LAPTM5: variants seen among roughly 807,000 people sequenced by gnomAD.
The protein encoded by LAPTM5 is lysosomal protein transmembrane 5, also known as lysosomal-associated transmembrane protein 5.
A neutral mutation model predicts 30.1 loss-of-function variants in LAPTM5; 11 were observed. The observed-to-expected ratio is 0.37, with a 90% confidence interval of 0.23 to 0.60. The LOEUF (loss-of-function observed/expected upper bound fraction) is 0.60. LAPTM5 is among the 20% of genes least tolerant of loss of function. The pLI is 0.71. For synonymous variants in LAPTM5, 151 were observed against 137.9 expected (o/e 1.10, Z -0.67); for missense variants, 324 against 332.5 (o/e 0.97, Z 0.20).
At chr1:30,750,671 G>A (rs979663356) in intron 1 of LAPTM5, among the ~76,000 whole-genome samples, 2 of 152,198 alleles carry the variant, frequency 1.3e-5, no homozygotes, top group Non-Finnish European at 2.9e-5. Flanking sequence ...TGCCAGGAAG[G>A]CTGCCTTCCC....
rs576810725 is a variant in LAPTM5, at chr1:30,738,882, T to C, written c.510+58A>G. Reference sequence around the variant, plus strand: ...ACCACAGACACACAGAGACGTGAAGTAACCTGTTCAAGGCCACACAGCCAG... The same window carrying C: ...ACCACAGACACACAGAGACGTGAAGCAACCTGTTCAAGGCCACACAGCCAG... On this transcript the variant is annotated intron_variant, in intron 5 of 7. Transcript: ENST00000294507. The C allele has an allele frequency of 2.6e-6, 4 of 1,541,372 alleles. No individual in the cohort carries two copies. The African/African-American group carries it at 5.4e-5, about 21-fold the overall frequency.
intron 6 of LAPTM5, among the ~76,000 whole-genome samples, chr1:30,737,197 A>G (rs1451464253): frequency 2.0e-5 from 3 of 152,132 alleles, no homozygotes; most frequent in Non-Finnish European, 2.9e-5. Flanking sequence ...ACATAATCTC[A>G]GGTACATTTT....
At chr1:30,743,703 C>T (rs922292451) in intron 1 of LAPTM5, among the ~76,000 whole-genome samples, 5 of 151,596 alleles carry the variant, frequency 3.3e-5, no homozygotes, top group African/African-American at 7.3e-5. Context: ...AAGTTTACAT[C>T]GGCTTTCTAG....
At chr1:30,744,824 T>C (rs1260843578) in intron 1 of LAPTM5, among the ~76,000 whole-genome samples, 1 of 152,140 alleles carries the variant, frequency 6.6e-6, no homozygotes, top group African/African-American at 2.4e-5. Context: ...TGATCATGCA[T>C]CTATGTCAGT....
rs1040836361 is a variant in LAPTM5 at position 30,757,721 on chromosome 1, G to C, written c.25C>G (p.Arg9Gly). The C allele has an allele frequency of 6.2e-7, 1 of 1,613,776 alleles. No homozygotes were observed. The highest frequency in any genetic ancestry group is 1.7e-5 in the Admixed American group (1 of 60,008). ...ACATTGAAGCAGCAGCAGGTCTGGC[G>C]GACAGTGGACAAGCGGGGGTCCATG... MDPRLSTV[R>G]QTCCCFNVRI... Residue 9 changes from arginine (R) to glycine (G), a missense_variant, in exon 1 of 8, where the codon CGC becomes GGC. Coordinates refer to ENST00000294507, the MANE Select transcript of LAPTM5 (RefSeq NM_006762.3).
intron 1 of LAPTM5, among the ~76,000 whole-genome samples, chr1:30,755,280 G>A (rs1249630650): frequency 6.6e-6 from 1 of 151,768 alleles, no homozygotes; most frequent in East Asian, 1.9e-4. Flanking sequence ...GTATCTAGTA[G>A]GTAGAGACCA....
At position 30,740,242 on chromosome 1, in the gene LAPTM5, T is replaced by C. The variant is rs545288172; in HGVS notation, c.259-305A>G. 2.0e-4 allele frequency among the ~76,000 whole-genome samples: 30 copies of C among 152,270 alleles called. 1 individual carries two copies. The East Asian group carries it at 5.8e-3, about 29-fold the overall frequency. On this transcript the variant is annotated intron_variant, in intron 3 of 7. Transcript: ENST00000294507. Reference sequence around the variant, plus strand: ...CCCAGCAAGGAAGGGCTTTGTGCACTTTTTACAGAGGAGAGGGGACCAGAG... The same window carrying C: ...CCCAGCAAGGAAGGGCTTTGTGCACCTTTTACAGAGGAGAGGGGACCAGAG...
At position 30,743,795 on chromosome 1, in the gene LAPTM5, G is replaced by GTTTTTT. The variant is rs756356075; in HGVS notation, c.88-1252_88-1247dup. Among the ~76,000 whole-genome samples the GTTTTTT allele has an allele frequency of 4.6e-4, 50 of 107,840 alleles. 3 individuals are homozygous for GTTTTTT. Among genetic ancestry groups the GTTTTTT allele is most frequent in the Non-Finnish European group, 6.1e-4 (35 of 57,360 alleles). The allele number at this position is 107,840 out of a possible 152,430, so 70.7% of individuals were successfully genotyped here. ...TGTTTCCCCCTTGCTGACTGTGTGG[G>GTTTTTT]TTTTTTTTTTTTTTTTTTTTTTAGC... On this transcript the variant is annotated intron_variant, in intron 1 of 7. Transcript: ENST00000294507.
intron 1 of LAPTM5, among the ~76,000 whole-genome samples, chr1:30,753,219 C>CT (rs1344321456): frequency 6.6e-6 from 1 of 151,974 alleles, no homozygotes; most frequent in African/African-American, 2.4e-5. Flanking sequence ...ATATAATAAA[C>CT]TGGGAGTACA....
Position 30,739,231 on chromosome 1 carries a change from A to T in LAPTM5, c.388-169T>A. 11 of 847,710 alleles carry T rather than the reference A, an allele frequency of 1.3e-5. No individual in the cohort carries two copies. Among genetic ancestry groups the T allele is most frequent in the Non-Finnish European group, 1.9e-5 (11 of 576,368 alleles). The allele number at this position is 847,710 out of a possible 1,614,324, so 52.5% of individuals were successfully genotyped here. A position where few individuals can be genotyped will look rare whatever the true frequency, so the allele number is the denominator to read the frequency against. On this transcript the variant is annotated intron_variant, in intron 4 of 7. Coordinates refer to ENST00000294507, the MANE Select transcript of LAPTM5 (RefSeq NM_006762.3). This position sits in a 1 kb window ranked among gnomAD's most constrained non-coding sequence, Gnocchi z 4.2. ...TGAACACACAGATGTTCATACCAAG[A>T]GCTGGTGGCAGACCCAAGACTAGAA...
At chr1:30,748,890 G>A (rs1192898443) in intron 1 of LAPTM5, among the ~76,000 whole-genome samples, 1 of 152,248 alleles carries the variant, frequency 6.6e-6, no homozygotes, top group African/African-American at 2.4e-5. Context: ...GCCTGGCCAT[G>A]TTACTTCATC....
chr1:30,740,878 G>A (rs963912731), intron 3 of LAPTM5, among the ~76,000 whole-genome samples: 7 of 152,096 alleles, frequency 4.6e-5, no homozygotes, highest in East Asian at 1.9e-4. Flanking sequence ...CCAAATCATC[G>A]CCCCACTCCT....
rs9146 is a variant in LAPTM5, at chr1:30,732,548, C to T, written c.*1280G>A. 6,326 of 151,654 alleles carry T rather than the reference C, an allele frequency of 0.042. 328 individuals carry two copies. Among genetic ancestry groups the T allele is most frequent in the African/African-American group, 0.12 (5,057 of 41,210 alleles). 9.4% of individuals were successfully genotyped at this position (151,654 alleles called of 1,614,324 possible). On this transcript the variant is annotated 3_prime_UTR_variant, in exon 8 of 8. Transcript: ENST00000294507. ...CACAAGGGGGTATTGCCAGGGAGCT[C>T]TTGCAGAGCCTTCTCCCTCTGTACC...
At position 30,739,923 on chromosome 1, in the gene LAPTM5, G is replaced by A. The variant is rs1427639402; in HGVS notation, c.273C>T (p.Tyr91=). 4 of 1,599,112 alleles carry A rather than the reference G, an allele frequency of 2.5e-6. No homozygotes were observed. In the African/African-American group the frequency reaches 5.4e-5, roughly 21 times the overall value. ...TTTGCAGGGACAGGAAGGGCAGCAG[G>A]TACTTCTCCCGGTTCTGAAAGGTAG... The part of the protein sequence containing the change: ...LIGVVKNREK[Y]LLPFLSLQIM... The change falls in exon 4 of 8, where the codon TAC becomes TAT. Residue 91 remains tyrosine, a synonymous_variant. Coordinates refer to ENST00000294507, the MANE Select transcript of LAPTM5 (RefSeq NM_006762.3). The surrounding 1 kb of genome is among the most constrained non-coding windows in gnomAD (Gnocchi z 4.2).
chr1:30,753,686 G>A (rs1640169800), intron 1 of LAPTM5, among the ~76,000 whole-genome samples: 1 of 152,146 alleles, frequency 6.6e-6, no homozygotes, highest in Non-Finnish European at 1.5e-5. Context: ...TAAATGTAAC[G>A]CGGCATCCTG....
Position 30,732,599 on chromosome 1 carries a change from C to T in LAPTM5, c.*1229G>A, listed in dbSNP as rs1310368694. The T allele has an allele frequency of 1.3e-5, 2 of 151,908 alleles. No homozygotes were observed. Among genetic ancestry groups the T allele is most frequent in the Admixed American group, 6.5e-5 (1 of 15,274 alleles). 9.4% of individuals were successfully genotyped at this position (151,908 alleles called of 1,614,324 possible). A position where few individuals can be genotyped will look rare whatever the true frequency, so the allele number is the denominator to read the frequency against. On this transcript the variant is annotated 3_prime_UTR_variant, in exon 8 of 8. Transcript: ENST00000294507. ...CCCCGACAGTCCCCAGAGACCCTGCCTCCGTGGCCTCCACCTCTGGGTCAG... is the reference window on the plus strand; with the variant it reads ...CCCCGACAGTCCCCAGAGACCCTGCTTCCGTGGCCTCCACCTCTGGGTCAG...
intron 5 of LAPTM5, among the ~76,000 whole-genome samples, chr1:30,737,943 C>T (rs7417219): frequency 0.027 from 4,179 of 152,284 alleles, 187 homozygotes; most frequent in African/African-American, 0.091. Context: ...CCCAGGCTGG[C>T]GCACCGGCCC....
At chr1:30,738,354 C>T (rs1569855668) in intron 5 of LAPTM5, among the ~76,000 whole-genome samples, 1 of 152,204 alleles carries the variant, frequency 6.6e-6, no homozygotes, top group African/African-American at 2.4e-5. Flanking sequence ...GTCAGGAGAG[C>T]ACTCAAGCAG....
rs182282731 is a variant in LAPTM5, at chr1:30,745,271, C to T, written c.88-2722G>A. ...GAGAGGTCCAGGGCCTTGCCCAAGG[C>T]CTCCCAGCTGGTCATATGCAGGGCT... is the stretch of plus-strand genomic sequence containing the variant. On this transcript the variant is annotated intron_variant, in intron 1 of 7. Coordinates refer to ENST00000294507, the MANE Select transcript of LAPTM5 (RefSeq NM_006762.3). Among the ~76,000 whole-genome samples, 7 of 152,350 alleles carry T rather than the reference C, an allele frequency of 4.6e-5. No homozygotes were observed. The East Asian group carries it at 1.3e-3, about 29-fold the overall frequency.
Sources: allele counts gnomAD v4.1 joint callset (sites outside exome capture counted in the v4.1 genomes callset), GRCh38; gene constraint gnomAD v4.1.1; non-coding constraint Gnocchi (gnomAD v3.1); transcripts MANE v1.5; gene names NCBI Gene and HGNC (gene_info 2026-07-23, HGNC 2026-07-21).